Variants in FHOD3 observed in about 807,000 individuals in gnomAD.
FHOD3 encodes the protein formin homology 2 domain containing 3, also known as FH1/FH2 domain-containing protein 3.
A neutral mutation model predicts 173.0 loss-of-function variants in FHOD3; 90 were observed. The observed-to-expected ratio is 0.52, with a 90% confidence interval of 0.44 to 0.62. The LOEUF (loss-of-function observed/expected upper bound fraction) is 0.62. Ranked by LOEUF, FHOD3 falls within the 20% of genes least tolerant of loss-of-function variation. The probability of loss-of-function intolerance (pLI) is 0.00; values close to 1 mark genes in which losing one functional copy is unlikely to be tolerated. For synonymous variants in FHOD3, 828 were observed against 823.0 expected, an observed-to-expected ratio of 1.01 and a Z score of -0.10; for missense variants, 1,945 against 2,034.7, an observed-to-expected ratio of 0.96 and a Z score of 0.85.
intron 1 of FHOD3, among the ~76,000 whole-genome samples, chr18:36,334,404 G>A (rs60040228): frequency 0.054 from 8,162 of 152,210 alleles, 724 homozygotes; most frequent in African/African-American, 0.19. Context: ...TAGGAGGAGT[G>A]CTATTCAGAT....
In FHOD3 at chr18:36,466,146, T is replaced by C. The variant is rs542545256; in HGVS notation, c.338-35786T>C. On this transcript the variant is annotated intron_variant, in intron 3 of 28. Coordinates refer to ENST00000590592, the MANE Select transcript of FHOD3 (RefSeq NM_001281740.3). ...AGAGCTGCCCATACCCCAGGGTGAA[T>C]GACTTCAGTCCATGTTATCCCAGAG... Among the ~76,000 whole-genome samples, 20 of 152,298 alleles carry C rather than the reference T, an allele frequency of 1.3e-4. 1 individual carries two copies. The South Asian group carries it at 4.1e-3, about 32-fold the overall frequency.
intron 3 of FHOD3, among the ~76,000 whole-genome samples, chr18:36,379,043 T>C (rs549071258): frequency 6.6e-6 from 1 of 152,326 alleles, no homozygotes; most frequent in East Asian, 1.9e-4. Context: ...TTCCACACGT[T>C]ATATTCATAT....
chr18:36,399,719 C>T (rs1192209628), intron 3 of FHOD3, among the ~76,000 whole-genome samples: 5 of 152,214 alleles, frequency 3.3e-5, no homozygotes, highest in Non-Finnish European at 7.3e-5. Flanking sequence ...GATGACCCTG[C>T]TGCAGAAGGC....
At chr18:36,665,378 A>AT (rs2037110121) in intron 14 of FHOD3, among the ~76,000 whole-genome samples, 1 of 152,186 alleles carries the variant, frequency 6.6e-6, no homozygotes, top group Non-Finnish European at 1.5e-5. Context: ...AGATGAGCAA[A>AT]TCATCTGCAA....
chr18:36,503,574 A>G (rs928863196), intron 4 of FHOD3, among the ~76,000 whole-genome samples: 1 of 152,132 alleles, frequency 6.6e-6, no homozygotes, highest in Non-Finnish European at 1.5e-5. Flanking sequence ...ATGGTTTTGA[A>G]CCTGGTGCAC....
At chr18:36,302,832 C>T (rs1182877514) in intron 1 of FHOD3, among the ~76,000 whole-genome samples, 4 of 152,208 alleles carry the variant, frequency 2.6e-5, no homozygotes, top group African/African-American at 9.6e-5. Flanking sequence ...GTTGTATGAA[C>T]AGCTAAGAGT....
chr18:36,574,910 A>G (rs935551847), intron 5 of FHOD3, among the ~76,000 whole-genome samples: 1 of 151,786 alleles, frequency 6.6e-6, no homozygotes, highest in Non-Finnish European at 1.5e-5. Flanking sequence ...TTTTTGAGTT[A>G]TTACATATTT....
In FHOD3 at chr18:36,718,584, T is replaced by G. The variant is rs1216414320; in HGVS notation, c.3286T>G (p.Phe1096Val). The change falls in exon 19 of 29, where the codon TTT becomes GTT. Residue 1096 changes from phenylalanine to valine, a missense_variant. Physicochemically the swap from Phe to Val is conservative, Grantham distance 50. Transcript: ENST00000590592. ...IRLFWNEVRP[F>V]DWPCKNNRRC... is the part of the protein sequence containing the mutation. Reference sequence around the variant, plus strand: ...TTTGTTCTGGAATGAAGTTCGGCCTTTTGACTGGCCATGTAAAAACAACCG... The same window carrying G: ...TTTGTTCTGGAATGAAGTTCGGCCTGTTGACTGGCCATGTAAAAACAACCG... 1 of 1,614,032 alleles carries G rather than the reference T, an allele frequency of 6.2e-7. No individual in the cohort carries two copies. The highest frequency in any genetic ancestry group is 1.3e-5 in the African/African-American group (1 of 74,896).
chr18:36,690,690 G>A (rs1293077550), intron 16 of FHOD3, among the ~76,000 whole-genome samples: 1 of 151,842 alleles, frequency 6.6e-6, no homozygotes, highest in Non-Finnish European at 1.5e-5. Flanking sequence ...TTTTCAGAAA[G>A]GTTTAGTGCT....
intron 18 of FHOD3, among the ~76,000 whole-genome samples, chr18:36,717,477 G>T (rs1600390842): frequency 6.6e-6 from 1 of 152,084 alleles, no homozygotes; most frequent in Non-Finnish European, 1.5e-5. Flanking sequence ...GTGGCTTCTT[G>T]CCTCCCTATC....
At chr18:36,540,601 A>G (rs60873112) in intron 5 of FHOD3, among the ~76,000 whole-genome samples, 49 of 152,304 alleles carry the variant, frequency 3.2e-4, no homozygotes, top group African/African-American at 8.4e-4. Context: ...ACTTAACTCA[A>G]TGGCACCCAG....
chr18:36,461,443 T>C (rs2052549350), intron 3 of FHOD3, among the ~76,000 whole-genome samples: 4 of 146,712 alleles, frequency 2.7e-5, no homozygotes, highest in Admixed American at 2.7e-4. Context: ...CTCAGTCTGT[T>C]TTTTTTTGTG....
intron 2 of FHOD3, among the ~76,000 whole-genome samples, chr18:36,364,450 C>T (rs773892352): frequency 1.5e-4 from 23 of 152,264 alleles, no homozygotes; most frequent in East Asian, 7.7e-4. Context: ...TTTGGCCAGA[C>T]GCTCGAGGGC....
At chr18:36,763,249 G>A (rs1457263692) in intron 27 of FHOD3, among the ~76,000 whole-genome samples, 1 of 144,268 alleles carries the variant, frequency 6.9e-6, no homozygotes, top group South Asian at 2.2e-4. Context: ...TATTATACAC[G>A]TTATATACAA....
intron 5 of FHOD3, among the ~76,000 whole-genome samples, chr18:36,538,584 G>C (rs999371065): frequency 6.6e-6 from 1 of 152,166 alleles, no homozygotes; most frequent in Non-Finnish European, 1.5e-5. Flanking sequence ...CCCTCAGTAG[G>C]TTAATGGTTA....
intron 1 of FHOD3, among the ~76,000 whole-genome samples, chr18:36,305,006 T>C (rs2092054462): frequency 6.6e-6 from 1 of 152,114 alleles, no homozygotes; most frequent in Admixed American, 6.5e-5. Context: ...TGCTTTAATG[T>C]ACATGAAAAT....
chr18:36,453,668 G>A (rs148333437), intron 3 of FHOD3, among the ~76,000 whole-genome samples: 4 of 152,338 alleles, frequency 2.6e-5, no homozygotes, highest in Non-Finnish European at 5.9e-5. Context: ...CTCAGGGATG[G>A]CTGGAACAGG....
intron 7 of FHOD3, among the ~76,000 whole-genome samples, chr18:36,601,950 C>T (rs952121933): frequency 1.1e-4 from 16 of 152,200 alleles, no homozygotes; most frequent in Non-Finnish European, 7.3e-5. Flanking sequence ...CTGCAGAGCC[C>T]AGGCAGCAGT....
chr18:36,534,286 T>C (rs17651215), intron 5 of FHOD3, among the ~76,000 whole-genome samples: 82,644 of 151,786 alleles, frequency 0.54, 22,764 homozygotes, highest in East Asian at 0.63. Flanking sequence ...CTCTGGGTAA[T>C]GCTGTGCTGT....
Sources: gnomAD v4.1 joint callset for allele counts (sites outside exome capture counted in the v4.1 genomes callset) on GRCh38, gnomAD v4.1.1 for gene constraint, MANE v1.5 for transcripts, NCBI Gene and HGNC (gene_info 2026-07-23, HGNC 2026-07-21) for gene names.